Variants in NID1 observed in about 807,000 individuals in gnomAD.
NID1 encodes the protein nidogen-1.
A neutral mutation model predicts 130.6 loss-of-function variants in NID1; 76 were observed. That is an observed-to-expected ratio of 0.58 (90% confidence interval 0.48 to 0.70). NID1 has a LOEUF of 0.70. NID1 is among the 30% of genes least tolerant of loss of function. The probability of loss-of-function intolerance (pLI) is 0.00; values close to 1 mark genes in which losing one functional copy is unlikely to be tolerated. For missense variants in NID1, 1,517 were observed against 1,664.8 expected (o/e 0.91, Z 1.54); for synonymous variants, 665 against 675.1 (o/e 0.98, Z 0.23).
rs116704748 is a variant in NID1 at position 236,033,906 on chromosome 1, C to G, written c.1286-1254G>C. Among the ~76,000 whole-genome samples the G allele has an allele frequency of 2.1e-3, 322 of 152,130 alleles. 1 individual carries two copies. Among genetic ancestry groups the G allele is most frequent in the African/African-American group, 7.5e-3 (310 of 41,504 alleles). On this transcript the variant is annotated intron_variant, in intron 5 of 19. Transcript: ENST00000264187. Reference sequence around the variant, plus strand: ...AAATTAAATTGCTGTTTGTTGTATTCAAATAAGAACATTGAAGGTTACTGT... The same window carrying G: ...AAATTAAATTGCTGTTTGTTGTATTGAAATAAGAACATTGAAGGTTACTGT...
chr1:236,062,759 T>C (rs568862945), intron 1 of NID1, among the ~76,000 whole-genome samples: 33 of 152,300 alleles, frequency 2.2e-4, no homozygotes, highest in Non-Finnish European at 3.7e-4. Context: ...ACATCATAGT[T>C]GCTGCATGTG....
intron 14 of NID1, among the ~76,000 whole-genome samples, chr1:235,986,869 C>G (rs1374799647): frequency 6.6e-6 from 1 of 152,256 alleles, no homozygotes; most frequent in Non-Finnish European, 1.5e-5. Flanking sequence ...ATCAACTTCT[C>G]TGGCCTTCCG....
intron 17 of NID1, 104 bp downstream of exon 17, chr1:235,980,392 A>T: frequency 8.4e-7 from 1 of 1,195,640 alleles, no homozygotes; most frequent in Non-Finnish European, 1.2e-6. Flanking sequence ...TCTGGGTTAT[A>T]TAAAAACAGG....
chr1:236,042,409 A>G (rs1572615310), intron 3 of NID1, 117 bp from the exon 4 acceptor site: 5 of 1,279,204 alleles, frequency 3.9e-6, no homozygotes, highest in South Asian at 1.4e-5. Flanking sequence ...ACCTGCAGCT[A>G]GGACTGGAGA....
intron 2 of NID1, among the ~76,000 whole-genome samples, chr1:236,048,215 GT>G (rs914344665): frequency 4.1e-5 from 6 of 145,982 alleles, no homozygotes; most frequent in Non-Finnish European, 7.5e-5. Context: ...GTCGCCTGTA[GT>G]CCCAGCTACT....
At chr1:235,999,731 A>C (rs1255540196) in intron 12 of NID1, among the ~76,000 whole-genome samples, 1 of 152,192 alleles carries the variant, frequency 6.6e-6, no homozygotes, top group African/African-American at 2.4e-5. Context: ...GGGGGGACAA[A>C]GAGAATGAGA....
At chr1:236,015,944 C>G (rs2102819106) in intron 10 of NID1, among the ~76,000 whole-genome samples, 1 of 152,236 alleles carries the variant, frequency 6.6e-6, no homozygotes, top group East Asian at 1.9e-4. Context: ...TCCAGAAACC[C>G]AGGTCACCAT....
chr1:236,034,437 A>AC (rs1454032741), intron 5 of NID1, among the ~76,000 whole-genome samples: 4 of 146,052 alleles, frequency 2.7e-5, no homozygotes, highest in African/African-American at 1.0e-4. Flanking sequence ...AAAAAAAAAA[A>AC]AGAAAGAAAG....
At chr1:235,978,491 C>T (rs1465896936) in intron 19 of NID1, among the ~76,000 whole-genome samples, 1 of 152,114 alleles carries the variant, frequency 6.6e-6, no homozygotes, top group Non-Finnish European at 1.5e-5. Context: ...CTTCAGTTTG[C>T]TTATTTATGA....
chr1:235,985,357 A>C, intron 15 of NID1, 22 bp downstream of exon 15: 1 of 1,613,900 alleles, frequency 6.2e-7, no homozygotes. Flanking sequence ...CCAAAAAGGA[A>C]AAATGATATT....
chr1:235,999,985 G>A (rs535662783), intron 12 of NID1, among the ~76,000 whole-genome samples: 3 of 152,038 alleles, frequency 2.0e-5, no homozygotes, highest in Non-Finnish European at 4.4e-5. Context: ...AGGCTGAGGC[G>A]GGTGGATCAC....
intron 9 of NID1, among the ~76,000 whole-genome samples, chr1:236,018,799 C>T (rs1208438770): frequency 6.6e-6 from 1 of 151,828 alleles, no homozygotes; most frequent in East Asian, 1.9e-4. Flanking sequence ...TCATAATGGC[C>T]GAGACCACAC....
At chr1:236,004,156 G>A (rs1167391666) in intron 12 of NID1, among the ~76,000 whole-genome samples, 3 of 152,174 alleles carry the variant, frequency 2.0e-5, no homozygotes, top group Admixed American at 2.0e-4. Flanking sequence ...GAAGCTGACT[G>A]CAGTGGTTAG....
intron 14 of NID1, among the ~76,000 whole-genome samples, chr1:235,986,054 C>T (rs1317933643): frequency 6.6e-6 from 1 of 152,144 alleles, no homozygotes; most frequent in African/African-American, 2.4e-5. Flanking sequence ...AGCCACTGCA[C>T]CCACCCATTA....
At chr1:236,004,351 G>A (rs1658180740) in intron 12 of NID1, among the ~76,000 whole-genome samples, 1 of 152,182 alleles carries the variant, frequency 6.6e-6, no homozygotes, top group Non-Finnish European at 1.5e-5. Flanking sequence ...GCAGAGGAAA[G>A]GGGCAGAGCA....
intron 5 of NID1, among the ~76,000 whole-genome samples, chr1:236,036,907 A>G (rs776178925): frequency 9.8e-5 from 15 of 152,322 alleles, no homozygotes; most frequent in Non-Finnish European, 1.9e-4. Context: ...TTCTTTATAA[A>G]TTACTCAGTT....
chr1:236,032,335 C>A, intron 6 of NID1, 66 bp downstream of exon 6: 2 of 1,564,648 alleles, frequency 1.3e-6, no homozygotes, highest in Non-Finnish European at 8.7e-7. Flanking sequence ...TCCTTCCATC[C>A]ATCCCCAGGC....
At position 236,041,970 on chromosome 1, in the gene NID1, T is replaced by C. The variant is rs755241093; in HGVS notation, c.1075A>G (p.Thr359Ala). Residue 359 changes from threonine to alanine, a missense_variant, in exon 4 of 20, where the codon ACT (threonine) becomes GCT (alanine). Physicochemically the swap from Thr to Ala is moderately conservative, Grantham distance 58. Around this residue, in one of 3 missense-constraint regions of NID1, gnomAD observed 1,329 missense variants for 1,429.2 expected, o/e 0.93. Coordinates refer to ENST00000264187, the MANE Select transcript of NID1 (RefSeq NM_002508.3). ...ACCTGAGGGTGCTGCTGGTGAAAAG[T>C]CTCCACTGCCAACTGGAAAGACCTG... ...RTRSFQLAVE[T>A]FHQQHPQVID... 6.2e-6 allele frequency: 10 copies of C among 1,613,872 alleles called. No individual in the cohort carries two copies. Among genetic ancestry groups the C allele is most frequent in the Non-Finnish European group, 8.5e-6 (10 of 1,179,998 alleles).
chr1:236,028,231 A>G (rs1309635071), intron 7 of NID1, among the ~76,000 whole-genome samples: 4 of 152,260 alleles, frequency 2.6e-5, no homozygotes, highest in Non-Finnish European at 5.9e-5. Context: ...TGAGACTACT[A>G]AACATTCACG....
Sources: gnomAD v4.1 joint callset for allele counts (sites outside exome capture counted in the v4.1 genomes callset) on GRCh38, gnomAD v4.1.1 for gene constraint, gnomAD v4.1.1 regional missense constraint, MANE v1.5 for transcripts, NCBI Gene and HGNC (gene_info 2026-07-23, HGNC 2026-07-21) for gene names.